EVA1C: variants seen among roughly 807,000 people sequenced by gnomAD.
The protein encoded by EVA1C is eva-1 homolog C, also known as protein eva-1 homolog C.
EVA1C carries 25 observed loss-of-function variants against 45.4 expected under a neutral mutation model. The observed-to-expected ratio is 0.55, with a 90% confidence interval of 0.40 to 0.77. The LOEUF is 0.77. Among genes scored for constraint, EVA1C ranks in the 30% least tolerant of loss-of-function variants. The pLI is 0.00. For missense variants in EVA1C, 479 were observed against 554.8 expected (o/e 0.86, Z 1.37); for synonymous variants, 190 against 221.2 (o/e 0.86, Z 1.25).
intron 4 of EVA1C, 50 bp from the exon 5 acceptor site, chr21:32,494,977 G>T: frequency 6.3e-7 from 1 of 1,587,008 alleles, no homozygotes. Context: ...GCTATGTGGT[G>T]GCCCTGTGTG....
In EVA1C at chr21:32,515,172, C is replaced by A; in HGVS notation, c.1308C>A (p.Asn436Lys). 1 of 1,592,522 alleles carries A rather than the reference C, an allele frequency of 6.3e-7. No homozygotes were observed. The highest frequency in any genetic ancestry group is 8.6e-7 in the Non-Finnish European group (1 of 1,166,072). ...GTTTGGACACCTCGCTCCCAAGAAACATGGGCCAGTTCTACTGAAAACCAC... is the reference window on the plus strand; with the variant it reads ...GTTTGGACACCTCGCTCCCAAGAAAAATGGGCCAGTTCTACTGAAAACCAC... ...NSGLDTSLPR[N>K]MGQFY The change falls in exon 8 of 8, where the codon AAC becomes AAA. Residue 436 changes from asparagine to lysine, a missense_variant. Asn to Lys is a moderately conservative substitution (Grantham distance 94, BLOSUM62 0). This residue lies in a region of EVA1C where 366 missense variants were observed against 426.1 expected (regional missense o/e 0.86). Transcript: ENST00000300255.
intron 4 of EVA1C, among the ~76,000 whole-genome samples, chr21:32,491,338 G>A (rs75864658): frequency 0.068 from 10,323 of 152,096 alleles, 469 homozygotes; most frequent in Non-Finnish European, 0.1. Context: ...TGAGGAGTCG[G>A]ACTTGGTCAG....
At chr21:32,458,457 A>T (rs907212760) in intron 3 of EVA1C, among the ~76,000 whole-genome samples, 2 of 151,724 alleles carry the variant, frequency 1.3e-5, no homozygotes, top group Admixed American at 6.6e-5. Context: ...CAGTGTGTTT[A>T]ACCAAAAAAA....
chr21:32,500,348 G>A (rs540047452), intron 5 of EVA1C, among the ~76,000 whole-genome samples: 4 of 151,784 alleles, frequency 2.6e-5, no homozygotes, highest in African/African-American at 7.2e-5. Context: ...ATGGGGTTTC[G>A]CCATGTTGGC....
At chr21:32,440,537 A>G (rs1321677808) in intron 1 of EVA1C, among the ~76,000 whole-genome samples, 2 of 152,190 alleles carry the variant, frequency 1.3e-5, no homozygotes, top group African/African-American at 4.8e-5. Context: ...ATAGTAGTGT[A>G]ATCTAAGGAT....
chr21:32,457,799 C>T, intron 3 of EVA1C, 79 bp downstream of exon 3: 2 of 1,552,394 alleles, frequency 1.3e-6, no homozygotes, highest in Admixed American at 1.8e-5. Flanking sequence ...AATTCTCTGC[C>T]CGTTGGCATT....
chr21:32,468,885 A>G (rs1310350612), intron 4 of EVA1C, among the ~76,000 whole-genome samples: 1 of 152,164 alleles, frequency 6.6e-6, no homozygotes, highest in East Asian at 1.9e-4. Flanking sequence ...ACTATTAACC[A>G]TCACAGTAGG....
intron 7 of EVA1C, among the ~76,000 whole-genome samples, chr21:32,506,568 A>G (rs2146454006): frequency 6.6e-6 from 1 of 152,130 alleles, no homozygotes; most frequent in South Asian, 2.1e-4. Context: ...GACTCAAATC[A>G]CAGAGGCTCA....
intron 7 of EVA1C, among the ~76,000 whole-genome samples, chr21:32,507,649 G>A (rs1353961200): frequency 2.7e-5 from 4 of 149,504 alleles, no homozygotes; most frequent in Admixed American, 2.7e-4. Flanking sequence ...TGGGTTTGCA[G>A]GTGTGCCTGT....
chr21:32,472,150 A>T (rs759472089), intron 4 of EVA1C, among the ~76,000 whole-genome samples: 11 of 151,968 alleles, frequency 7.2e-5, no homozygotes, highest in African/African-American at 2.2e-4. Flanking sequence ...GGATTTAATT[A>T]ATTAATTTAT....
chr21:32,470,312 C>G (rs996328624), intron 4 of EVA1C, among the ~76,000 whole-genome samples: 2 of 152,214 alleles, frequency 1.3e-5, no homozygotes, highest in Non-Finnish European at 2.9e-5. Flanking sequence ...AAATGCGAAG[C>G]CCCGTATTCC....
At chr21:32,466,502 AT>A (rs142129869) in intron 3 of EVA1C, among the ~76,000 whole-genome samples, 21,807 of 151,168 alleles carry the variant, frequency 0.14, 1,783 homozygotes, top group East Asian at 0.25. Flanking sequence ...AAAAAAAAAA[AT>A]AAACTGTGTT....
At chr21:32,424,808 T>A (rs191769445) in intron 1 of EVA1C, among the ~76,000 whole-genome samples, 2 of 152,208 alleles carry the variant, frequency 1.3e-5, no homozygotes, top group East Asian at 1.9e-4. Context: ...GTATTTTTTT[T>A]ATTTTAAGTT....
intron 1 of EVA1C, among the ~76,000 whole-genome samples, chr21:32,416,137 GC>G (rs1445806219): frequency 1.3e-5 from 2 of 151,278 alleles, no homozygotes; most frequent in Non-Finnish European, 2.9e-5. Context: ...TCATATTTTT[GC>G]CTTAAAGAGT....
chr21:32,507,812 GTATGTA>G (rs888892720), intron 7 of EVA1C, among the ~76,000 whole-genome samples: 1 of 140,838 alleles, frequency 7.1e-6, no homozygotes, highest in African/African-American at 2.6e-5. Context: ...CTGTGTGCAT[GTATGTA>G]TGTGTGTTGC....
intron 4 of EVA1C, among the ~76,000 whole-genome samples, chr21:32,479,686 C>A (rs1009700579): frequency 2.0e-5 from 3 of 152,054 alleles, no homozygotes; most frequent in South Asian, 2.1e-4. Context: ...TGCAGTGGTT[C>A]TTTCCTGTGA....
At chr21:32,456,393 G>A (rs59839900) in intron 2 of EVA1C, among the ~76,000 whole-genome samples, 26,881 of 152,202 alleles carry the variant, frequency 0.18, 3,196 homozygotes, top group African/African-American at 0.32. Flanking sequence ...CTCTGTGGTT[G>A]TAACAGTGGA....
At chr21:32,427,541 C>G (rs993653560) in intron 1 of EVA1C, among the ~76,000 whole-genome samples, 1 of 151,890 alleles carries the variant, frequency 6.6e-6, no homozygotes, top group African/African-American at 2.4e-5. Context: ...GGTAAAACCC[C>G]ATCTCTACTA....
chr21:32,448,885 G>A (rs577919435), intron 1 of EVA1C, among the ~76,000 whole-genome samples: 5 of 62,242 alleles, frequency 8.0e-5, no homozygotes, highest in African/African-American at 6.6e-4. Context: ...TTCCAGCCTG[G>A]GTGACAAAGA....
Sources: allele counts gnomAD v4.1 joint callset (sites outside exome capture counted in the v4.1 genomes callset), GRCh38; gene constraint gnomAD v4.1.1; regional missense constraint gnomAD v4.1.1; transcripts MANE v1.5; gene names NCBI Gene and HGNC (gene_info 2026-07-23, HGNC 2026-07-21).